ERBIN: variants seen among roughly 807,000 people sequenced by gnomAD.
ERBIN encodes the protein erbb2 interacting protein, also known as densin-180-like protein.
ERBIN carries 60 observed loss-of-function variants against 158.4 expected under a neutral mutation model. The ratio of observed to expected loss-of-function variants is 0.38; its 90% confidence interval spans 0.31 to 0.47. The LOEUF (loss-of-function observed/expected upper bound fraction) is 0.47, where lower values mean the gene tolerates loss of function less well. Among genes scored for constraint, ERBIN ranks in the 20% least tolerant of loss-of-function variants. ERBIN has a pLI of 0.99. For missense variants in ERBIN, 1,610 were observed against 1,648.0 expected, an observed-to-expected ratio of 0.98 and a Z score of 0.40; for synonymous variants, 594 against 557.2, an observed-to-expected ratio of 1.07 and a Z score of -0.93.
chr5:65,984,123 T>C (rs946591291), intron 1 of ERBIN, among the ~76,000 whole-genome samples: 7 of 152,280 alleles, frequency 4.6e-5, no homozygotes, highest in Admixed American at 4.6e-4. Context: ...TCCTAACATA[T>C]TGGCCGGCAA....
At chr5:66,003,158 A>G (rs748420834) in intron 4 of ERBIN, among the ~76,000 whole-genome samples, 3 of 152,222 alleles carry the variant, frequency 2.0e-5, no homozygotes, top group Admixed American at 6.5e-5. Context: ...ATTCTGTAGT[A>G]TGGTAATCAT....
intron 21 of ERBIN, among the ~76,000 whole-genome samples, chr5:66,055,630 AAT>A (rs1554066293): frequency 6.6e-6 from 1 of 152,142 alleles, no homozygotes; most frequent in Non-Finnish European, 1.5e-5. Context: ...TTGTAAAACC[AAT>A]ATGAATGCCA....
At chr5:66,058,205 T>A (rs1309914044) in intron 21 of ERBIN, among the ~76,000 whole-genome samples, 1 of 151,792 alleles carries the variant, frequency 6.6e-6, no homozygotes, top group Non-Finnish European at 1.5e-5. Flanking sequence ...TGTTGTTTCC[T>A]GACTTTTTAA....
intron 21 of ERBIN, among the ~76,000 whole-genome samples, chr5:66,063,403 G>T (rs1760652834): frequency 6.6e-6 from 1 of 152,174 alleles, no homozygotes; most frequent in Non-Finnish European, 1.5e-5. Flanking sequence ...GCAGTATTAG[G>T]GCAGGAGTGA....
At chr5:65,945,193 C>T (rs1745591402) in intron 1 of ERBIN, among the ~76,000 whole-genome samples, 2 of 152,144 alleles carry the variant, frequency 1.3e-5, no homozygotes, top group African/African-American at 4.8e-5. Context: ...TTTAAAGAGG[C>T]CATTGAACCA....
intron 19 of ERBIN, among the ~76,000 whole-genome samples, chr5:66,050,014 A>T (rs1758859610): frequency 6.6e-6 from 1 of 152,052 alleles, no homozygotes; most frequent in African/African-American, 2.4e-5. Flanking sequence ...ATGTTTGTGG[A>T]TTGAATTGCT....
intron 1 of ERBIN, among the ~76,000 whole-genome samples, chr5:65,959,386 T>C (rs1334231316): frequency 6.6e-6 from 1 of 152,226 alleles, no homozygotes; most frequent in African/African-American, 2.4e-5. Flanking sequence ...GATTCTTTAA[T>C]TTTATAACTT....
At position 66,018,513 on chromosome 5, in the gene ERBIN, TTATATAA is replaced by T. The variant is rs1755165654; in HGVS notation, c.534-2802_534-2796del. Among the ~76,000 whole-genome samples the T allele has an allele frequency of 1.1e-3, 10 of 8,718 alleles. 1 individual carries two copies. The highest frequency in any genetic ancestry group is 3.4e-3 in the East Asian group (2 of 582). The allele number at this position is 8,718 out of a possible 152,430, so 5.7% of individuals were successfully genotyped here. On this transcript the variant is annotated intron_variant, in intron 7 of 25. Coordinates refer to ENST00000284037, the MANE Select transcript of ERBIN (RefSeq NM_001253697.2). ...TATATTATATAATATATATTATATA[TTATATAA>T]TATATATTATATTATATAATATATA...
chr5:65,932,704 G>A (rs561079831), intron 1 of ERBIN, among the ~76,000 whole-genome samples: 4 of 152,248 alleles, frequency 2.6e-5, no homozygotes, highest in African/African-American at 9.6e-5. Flanking sequence ...TGATCTTTAA[G>A]CCCACTTACT....
intron 1 of ERBIN, among the ~76,000 whole-genome samples, chr5:65,958,360 T>C (rs1322962179): frequency 1.3e-5 from 2 of 152,228 alleles, no homozygotes; most frequent in Non-Finnish European, 2.9e-5. Flanking sequence ...GGACTCCATC[T>C]GCAATCCCGG....
intron 1 of ERBIN, among the ~76,000 whole-genome samples, chr5:65,957,773 A>G (rs971137708): frequency 6.6e-6 from 1 of 152,038 alleles, no homozygotes; most frequent in Non-Finnish European, 1.5e-5. Flanking sequence ...GGGGCTCCTC[A>G]CTTCCCAGAA....
At chr5:65,965,652 C>T (rs558372853) in intron 1 of ERBIN, among the ~76,000 whole-genome samples, 27 of 152,232 alleles carry the variant, frequency 1.8e-4, no homozygotes, top group South Asian at 8.3e-4. Context: ...CTCGGCCTCC[C>T]GAAGTGCTGG....
chr5:66,072,429 A>G (rs1336509719), intron 22 of ERBIN, 138 bp downstream of exon 22: 6 of 817,144 alleles, frequency 7.3e-6, no homozygotes, highest in Non-Finnish European at 1.1e-5. Context: ...GATTTTTAAA[A>G]TATCAGAAAT....
At chr5:66,057,893 A>G (rs1353705626) in intron 21 of ERBIN, among the ~76,000 whole-genome samples, 4 of 146,274 alleles carry the variant, frequency 2.7e-5, no homozygotes, top group Non-Finnish European at 5.9e-5. Flanking sequence ...ATCATTTTTT[A>G]TGGCTGCATA....
intron 10 of ERBIN, 118 bp from the exon 11 acceptor site, chr5:66,025,362 C>G: frequency 1.4e-5 from 11 of 768,086 alleles, no homozygotes; most frequent in Non-Finnish European, 2.5e-5. Flanking sequence ...CTTTTAGATA[C>G]GTTTGTTAGG....
intron 14 of ERBIN, among the ~76,000 whole-genome samples, chr5:66,035,732 G>A (rs1050706051): frequency 2.0e-5 from 3 of 152,172 alleles, no homozygotes; most frequent in Non-Finnish European, 4.4e-5. Flanking sequence ...TTTTGAATAT[G>A]TAAAGTTAAA....
At chr5:66,018,080 TG>T (rs1246885080) in intron 7 of ERBIN, among the ~76,000 whole-genome samples, 1 of 152,064 alleles carries the variant, frequency 6.6e-6, no homozygotes, top group African/African-American at 2.4e-5. Context: ...ACTATGGCTT[TG>T]TAGTACAATT....
chr5:66,035,245 C>T (rs1199415778), intron 14 of ERBIN, among the ~76,000 whole-genome samples: 4 of 152,154 alleles, frequency 2.6e-5, no homozygotes, highest in Non-Finnish European at 5.9e-5. Context: ...TGTGCCAGAG[C>T]TTCACATTCA....
At chr5:66,074,419 AAG>A (rs989240179) in intron 22 of ERBIN, among the ~76,000 whole-genome samples, 26 of 151,988 alleles carry the variant, frequency 1.7e-4, no homozygotes, top group Admixed American at 1.2e-3. Flanking sequence ...AATTAATAAT[AAG>A]AGATTATAAA....
Sources: gnomAD v4.1 joint callset for allele counts (sites outside exome capture counted in the v4.1 genomes callset) on GRCh38, gnomAD v4.1.1 for gene constraint, MANE v1.5 for transcripts, NCBI Gene and HGNC (gene_info 2026-07-23, HGNC 2026-07-21) for gene names.